Variants in LRRC28 observed in about 807,000 individuals in gnomAD.
LRRC28 encodes the protein leucine-rich repeat-containing protein 28.
A neutral mutation model predicts 45.7 loss-of-function variants in LRRC28; 39 were observed. The ratio of observed to expected loss-of-function variants is 0.85; its 90% CI spans 0.66 to 1.12. LRRC28 has a LOEUF of 1.12. LRRC28 is among the 50% of genes most tolerant of loss of function. The pLI is 0.00. For synonymous variants in LRRC28, 206 were observed against 178.8 expected, an observed-to-expected ratio of 1.15 and a Z score of -1.22; for missense variants, 435 against 438.5, an observed-to-expected ratio of 0.99 and a Z score of 0.07.
At chr15:99,285,269 A>G (rs1224604604) in intron 3 of LRRC28, 2 of 735,402 alleles carry the variant, frequency 2.7e-6, no homozygotes, top group Non-Finnish European at 2.5e-6. Flanking sequence ...TATCTTTTTC[A>G]CAGTTAAGTA....
chr15:99,257,689 G>A (rs2081065080), intron 2 of LRRC28: 4 of 761,426 alleles, frequency 5.3e-6, no homozygotes, highest in Non-Finnish European at 9.7e-6. Flanking sequence ...GGGTCGGTCA[G>A]AGCTGTTGAT....
chr15:99,279,931 G>A (rs2081735304), intron 3 of LRRC28, among the ~76,000 whole-genome samples: 1 of 152,056 alleles, frequency 6.6e-6, no homozygotes, highest in South Asian at 2.1e-4. Flanking sequence ...ATTTCCCCTG[G>A]CAATGTATGA....
At chr15:99,372,450 C>T (rs1402064075) in intron 9 of LRRC28, among the ~76,000 whole-genome samples, 1 of 152,136 alleles carries the variant, frequency 6.6e-6, no homozygotes, top group Non-Finnish European at 1.5e-5. Context: ...GTCTCTGGTG[C>T]CACAGTTCTG....
chr15:99,296,280 T>C (rs2082260204), intron 5 of LRRC28, among the ~76,000 whole-genome samples: 1 of 152,216 alleles, frequency 6.6e-6, no homozygotes, highest in Admixed American at 6.5e-5. Flanking sequence ...GGGTCAGCCC[T>C]GGTTTCCTCA....
At chr15:99,347,616 T>C (rs1956736475) in intron 6 of LRRC28, among the ~76,000 whole-genome samples, 1 of 152,266 alleles carries the variant, frequency 6.6e-6, no homozygotes, top group Non-Finnish European at 1.5e-5. Context: ...AATCTTTCTT[T>C]TTTAAGGCTG....
At chr15:99,259,106 G>A in intron 2 of LRRC28, 1 of 1,307,328 alleles carries the variant, frequency 7.6e-7, no homozygotes, top group Non-Finnish European at 1.1e-6. Flanking sequence ...TGGTGTAATT[G>A]AAGACCACTC....
At chr15:99,379,066 G>A (rs1957735201) in intron 9 of LRRC28, among the ~76,000 whole-genome samples, 2 of 151,954 alleles carry the variant, frequency 1.3e-5, no homozygotes, top group African/African-American at 4.8e-5. Context: ...AATGAGTTAG[G>A]GAGGATTCCC....
At chr15:99,363,802 A>T (rs912556736) in intron 9 of LRRC28, among the ~76,000 whole-genome samples, 5 of 152,156 alleles carry the variant, frequency 3.3e-5, no homozygotes, top group Admixed American at 6.5e-5. Context: ...ACTAAGTAAA[A>T]CCCCAATAGT....
At chr15:99,326,308 C>T (rs1211715782) in intron 5 of LRRC28, among the ~76,000 whole-genome samples, 2 of 152,190 alleles carry the variant, frequency 1.3e-5, no homozygotes, top group Admixed American at 6.5e-5. Context: ...GTCCAGATAT[C>T]ATTTTACAGC....
chr15:99,256,092 ACT>A lies in LRRC28; in HGVS notation c.138_139del (p.Met48GlufsTer28). On this transcript the variant is annotated frameshift_variant, in exon 2 of 10. Transcript: ENST00000301981. LOFTEE classifies it high-confidence loss of function. ...ATGAGGGACTGCAGTACTTGGAGAGACTCTATATGAAAAGGAACTCCCTGACA... is the reference window on the plus strand; with the variant it reads ...ATGAGGGACTGCAGTACTTGGAGAGACTATATGAAAAGGAACTCCCTGACA... ...KDEGLQYLER[L>X]YMKRNSLTSL... is the part of the protein sequence containing the mutation. The A allele has an allele frequency of 6.2e-7, 1 of 1,611,674 alleles. No individual in the cohort carries two copies. Among genetic ancestry groups the A allele is most frequent in the Non-Finnish European group, 8.5e-7 (1 of 1,179,132 alleles).
chr15:99,265,495 C>T (rs2081308396), intron 2 of LRRC28, among the ~76,000 whole-genome samples: 1 of 152,168 alleles, frequency 6.6e-6, no homozygotes, highest in South Asian at 2.1e-4. Context: ...GGAGAAGTTT[C>T]TGATGATGAC....
At chr15:99,313,767 A>G (rs1308890336) in intron 5 of LRRC28, among the ~76,000 whole-genome samples, 1 of 151,472 alleles carries the variant, frequency 6.6e-6, no homozygotes, top group Non-Finnish European at 1.5e-5. Context: ...TCTTTTCCTT[A>G]TGGATTTTGC....
At chr15:99,352,341 A>C in intron 6 of LRRC28, 28 bp from the exon 7 acceptor site, 1 of 1,474,236 alleles carries the variant, frequency 6.8e-7, no homozygotes, top group Non-Finnish European at 9.5e-7. Context: ...TGTATATAGG[A>C]ATTACAGCAC....
intron 3 of LRRC28, among the ~76,000 whole-genome samples, chr15:99,283,956 A>T (rs2081884508): frequency 6.6e-6 from 1 of 152,240 alleles, no homozygotes; most frequent in African/African-American, 2.4e-5. Flanking sequence ...AATAACAATA[A>T]TAAGAGCATT....
intron 5 of LRRC28, 86 bp downstream of exon 5, chr15:99,288,037 TG>T: frequency 7.9e-7 from 1 of 1,266,174 alleles, no homozygotes; most frequent in Non-Finnish European, 1.0e-6. Context: ...GGCAATGAGC[TG>T]TAGATGTATT....
intron 9 of LRRC28, among the ~76,000 whole-genome samples, chr15:99,378,515 A>G (rs896468569): frequency 2.0e-5 from 3 of 152,110 alleles, no homozygotes; most frequent in African/African-American, 2.4e-5. Context: ...TCTTTTCCTA[A>G]TTCAGTACCC....
chr15:99,360,051 A>AAAAAC (rs1256873480), intron 7 of LRRC28, among the ~76,000 whole-genome samples: 1 of 152,144 alleles, frequency 6.6e-6, no homozygotes, highest in Non-Finnish European at 1.5e-5. Flanking sequence ...ATATTTGGTA[A>AAAAAC]AAAACAAAAC....
At chr15:99,296,368 C>T (rs909434592) in intron 5 of LRRC28, among the ~76,000 whole-genome samples, 1 of 152,228 alleles carries the variant, frequency 6.6e-6, no homozygotes, top group African/African-American at 2.4e-5. Context: ...ATCCTCAAAA[C>T]ACGCAGTGTG....
intron 2 of LRRC28, among the ~76,000 whole-genome samples, chr15:99,262,984 A>T (rs897357127): frequency 7.9e-5 from 12 of 151,894 alleles, no homozygotes; most frequent in Admixed American, 4.6e-4. Context: ...TTTGTATTGA[A>T]ATCTAGTTAT....
Sources: allele counts gnomAD v4.1 joint callset (sites outside exome capture counted in the v4.1 genomes callset), GRCh38; gene constraint gnomAD v4.1.1; transcripts MANE v1.5; gene names NCBI Gene and HGNC (gene_info 2026-07-23, HGNC 2026-07-21).